The following RET variants were observed in gnomAD, a reference collection of about 807,000 sequenced individuals.
The protein encoded by RET is proto-oncogene tyrosine-protein kinase receptor Ret.
In RET, 19 loss-of-function variants were observed where a neutral mutation model predicts 118.3. That is an observed-to-expected ratio of 0.16 (90% CI 0.11 to 0.24). The LOEUF (loss-of-function observed/expected upper bound fraction) is 0.24. RET is among the 10% of genes least tolerant of loss of function. The pLI is 1.00. For synonymous variants in RET, 597 were observed against 644.1 expected, an observed-to-expected ratio of 0.93 and a Z score of 1.11; for missense variants, 1,219 against 1,502.1, an observed-to-expected ratio of 0.81 and a Z score of 3.12.
At chr10:43,091,659 C>CA (rs373087930) in intron 1 of RET, among the ~76,000 whole-genome samples, 4 of 145,154 alleles carry the variant, frequency 2.8e-5, no homozygotes, top group South Asian at 2.2e-4. Context: ...ACAACAACAA[C>CA]AAAAAAAATG....
intron 9 of RET, among the ~76,000 whole-genome samples, chr10:43,113,284 G>A (rs1588873046): frequency 6.6e-6 from 1 of 152,238 alleles, no homozygotes; most frequent in African/African-American, 2.4e-5. Flanking sequence ...ACACTGCAAT[G>A]TGCGGGTCAG....
chr10:43,123,948 G>T, intron 17 of RET, 140 bp downstream of exon 17: 1 of 1,318,024 alleles, frequency 7.6e-7, no homozygotes, highest in Non-Finnish European at 1.1e-6. Context: ...AGGTTAGAGA[G>T]CCATCCTTGG....
intron 1 of RET, among the ~76,000 whole-genome samples, chr10:43,082,960 C>T (rs536976180): frequency 1.3e-5 from 2 of 152,290 alleles, no homozygotes; most frequent in African/African-American, 4.8e-5. Context: ...GACCCGGCAG[C>T]TGTTGCTGGG....
chr10:43,125,654 A>G (rs34817887), intron 18 of RET, among the ~76,000 whole-genome samples: 26,525 of 152,198 alleles, frequency 0.17, 2,552 homozygotes, highest in Admixed American at 0.25. Flanking sequence ...GGCAGCTGCT[A>G]GGACCCATAC....
chr10:43,095,311 T>C (rs193123285), intron 1 of RET, among the ~76,000 whole-genome samples: 36 of 152,232 alleles, frequency 2.4e-4, no homozygotes, highest in African/African-American at 5.5e-4. Flanking sequence ...TCTCGTGGAC[T>C]GCCCGGGCAG....
At chr10:43,112,715 G>A (rs2132810693) in intron 8 of RET, 138 bp from the exon 9 acceptor site, 1 of 725,230 alleles carries the variant, frequency 1.4e-6, no homozygotes, top group Non-Finnish European at 2.5e-6. Context: ...GCTTCCGCTG[G>A]CAAGGCTCTG....
chr10:43,106,631 C>T lies in RET; in HGVS notation c.1063+60C>T. 2 of 1,537,724 alleles carry T rather than the reference C, an allele frequency of 1.3e-6. No individual in the cohort carries two copies. The highest frequency in any genetic ancestry group is 1.8e-6 in the Non-Finnish European group (2 of 1,124,412). On this transcript the variant is annotated intron_variant, in intron 5 of 19. Transcript: ENST00000355710. This position sits in a 1 kb window ranked among gnomAD's most constrained non-coding sequence, Gnocchi z 5.1. ...CCCAGGAAATGAGGTGCTCGCTCTTCATGGGCAAGCAGCACCCTACACACA... is the reference window on the plus strand; with the variant it reads ...CCCAGGAAATGAGGTGCTCGCTCTTTATGGGCAAGCAGCACCCTACACACA...
At chr10:43,096,412 G>A (rs1837523959) in intron 1 of RET, among the ~76,000 whole-genome samples, 1 of 152,042 alleles carries the variant, frequency 6.6e-6, no homozygotes, top group African/African-American at 2.4e-5. Context: ...CTCACAGCAT[G>A]TCCAGCTATT....
Position 43,106,581 on chromosome 10 carries a change from G to T in RET, c.1063+10G>T. The T allele has an allele frequency of 6.2e-7, 1 of 1,612,748 alleles. No homozygotes were observed. Among genetic ancestry groups the T allele is most frequent in the African/African-American group, 1.3e-5 (1 of 74,996 alleles). ...ACCGTACATGACTATAGTAAGAGGG[G>T]CTGGTGGCACGGCCTGGCTAGGCCC... On this transcript the variant is annotated intron_variant, in intron 5 of 19. Coordinates refer to ENST00000355710, the MANE Select transcript of RET (RefSeq NM_020975.6). This position sits in a 1 kb window ranked among gnomAD's most constrained non-coding sequence, Gnocchi z 5.1.
At chr10:43,088,545 G>A (rs761467892) in intron 1 of RET, among the ~76,000 whole-genome samples, 1 of 152,050 alleles carries the variant, frequency 6.6e-6, no homozygotes, top group Non-Finnish European at 1.5e-5. Flanking sequence ...GTTGATGGTC[G>A]TGATGCAGCC....
intron 6 of RET, among the ~76,000 whole-genome samples, chr10:43,109,805 G>GGC (rs2132752365): frequency 6.6e-6 from 1 of 152,354 alleles, no homozygotes; most frequent in Non-Finnish European, 1.5e-5. Flanking sequence ...CATTAAAGAA[G>GGC]ATGAGGCATG....
At chr10:43,108,963 A>C in intron 5 of RET, 68 bp from the exon 6 acceptor site, 21 of 1,449,514 alleles carry the variant, frequency 1.4e-5, no homozygotes, top group Non-Finnish European at 2.0e-5. Context: ...GTGTCTGGGA[A>C]GAGGTGTGCT....
At chr10:43,112,263 G>C in intron 8 of RET, 39 bp downstream of exon 8, 1 of 1,549,440 alleles carries the variant, frequency 6.5e-7, no homozygotes, top group Non-Finnish European at 8.7e-7. Flanking sequence ...CTGCAGGGGC[G>C]ATGGCACCGG....
chr10:43,113,383 C>T (rs1224808729), intron 9 of RET, among the ~76,000 whole-genome samples, 173 bp from the exon 10 acceptor site: 1 of 152,180 alleles, frequency 6.6e-6, no homozygotes, highest in East Asian at 1.9e-4. Flanking sequence ...TTCAGAAAGG[C>T]ACTGTGACCA....
Position 43,123,761 on chromosome 10 carries a change from G to C in RET, c.2892G>C (p.Leu964=). The change falls in exon 17 of 20, where the codon CTG becomes CTC. Residue 964 remains leucine (L), a synonymous_variant. Coordinates refer to ENST00000355710, the MANE Select transcript of RET (RefSeq NM_020975.6). ...GIPPERLFNL[L]KTGHRMERPD... Reference sequence around the variant, plus strand: ...CTCCTGAGCGGCTCTTCAACCTTCTGAAGACCGGCCACCGGATGGAGAGGC... The same window carrying C: ...CTCCTGAGCGGCTCTTCAACCTTCTCAAGACCGGCCACCGGATGGAGAGGC... 1 of 1,614,164 alleles carries C rather than the reference G, an allele frequency of 6.2e-7. No homozygotes were observed. The highest frequency in any genetic ancestry group is 8.5e-7 in the Non-Finnish European group (1 of 1,180,044).
Position 43,130,018 on chromosome 10 carries a change from G to A in RET, c.*1749G>A, listed in dbSNP as rs755113276. The A allele has an allele frequency of 7.5e-6, 3 of 398,654 alleles. No homozygotes were observed. The highest frequency in any genetic ancestry group is 4.4e-5 in the Admixed American group (1 of 22,720). The allele number at this position is 398,654 out of a possible 1,614,324, so 24.7% of individuals were successfully genotyped here. On this transcript the variant is annotated 3_prime_UTR_variant, in exon 20 of 20. Transcript: ENST00000355710. ...CAGTAAGTGTGAATTGCTGCAACAG[G>A]TTTGTTCTCAGGAGGGTAAGAACTC...
At chr10:43,100,802 T>C in intron 2 of RET, 80 bp downstream of exon 2, 2 of 1,427,624 alleles carry the variant, frequency 1.4e-6, no homozygotes, top group Non-Finnish European at 1.9e-6. Context: ...CCGCTGACAC[T>C]GAAGCTTGGC....
chr10:43,112,705 G>A lies in RET; in HGVS notation c.1649-148G>A, dbSNP rs982836209. On this transcript the variant is annotated intron_variant, in intron 8 of 19. Transcript: ENST00000355710. ...CCCATAAGCCATGGCTCCCCAGGATGCTTCCGCTGGCAAGGCTCTGTATAT... is the reference window on the plus strand; with the variant it reads ...CCCATAAGCCATGGCTCCCCAGGATACTTCCGCTGGCAAGGCTCTGTATAT... 5.4e-5 allele frequency: 38 copies of A among 705,546 alleles called. No individual in the cohort carries two copies. In the African/African-American group the frequency reaches 5.9e-4, roughly 11 times the overall value. The allele number at this position is 705,546 out of a possible 1,614,324, so 43.7% of individuals were successfully genotyped here.
rs3026772 is a variant in RET, at chr10:43,122,070, A to T, written c.2801+54A>T. 7.5e-3 allele frequency: 10,540 copies of T among 1,409,504 alleles called. 171 individuals are homozygous for T. Among genetic ancestry groups the T allele is most frequent in the South Asian group, 0.049 (4,259 of 87,034 alleles). The allele number at this position is 1,409,504 out of a possible 1,614,324, so 87.3% of individuals were successfully genotyped here. A position where few individuals can be genotyped will look rare whatever the true frequency, so the allele number is the denominator to read the frequency against. ...GGAGGTTACAGAAACACCCTTATAC[A>T]TGTAGTGGGGCCACGACGCCCGTCT... On this transcript the variant is annotated intron_variant, in intron 16 of 19. Coordinates refer to ENST00000355710, the MANE Select transcript of RET (RefSeq NM_020975.6).
Sources: allele counts gnomAD v4.1 joint callset (sites outside exome capture counted in the v4.1 genomes callset), GRCh38; gene constraint gnomAD v4.1.1; non-coding constraint Gnocchi (gnomAD v3.1); transcripts MANE v1.5; gene names NCBI Gene and HGNC (gene_info 2026-07-23, HGNC 2026-07-21).